CBLB: variants seen among roughly 807,000 people sequenced by gnomAD.
CBLB encodes E3 ubiquitin-protein ligase CBL-B.
In CBLB, 31 loss-of-function variants were observed where a neutral mutation model predicts 104.9. The ratio of observed to expected loss-of-function variants is 0.30; its 90% CI spans 0.22 to 0.40. CBLB has a LOEUF of 0.40. CBLB is among the 10% of genes least tolerant of loss of function. CBLB has a pLI of 1.00. For missense variants in CBLB, 1,062 were observed against 1,214.6 expected, an observed-to-expected ratio of 0.87 and a Z score of 1.87; for synonymous variants, 440 against 422.6, an observed-to-expected ratio of 1.04 and a Z score of -0.51.
At chr3:105,854,593 A>AT (rs200499603) in intron 2 of CBLB, among the ~76,000 whole-genome samples, 4,599 of 145,354 alleles carry the variant, frequency 0.032, 157 homozygotes, top group African/African-American at 0.069. Context: ...CCCTCGTTGT[A>AT]TTTTTTTTTT....
intron 3 of CBLB, among the ~76,000 whole-genome samples, chr3:105,793,830 C>T (rs1394210793): frequency 6.6e-6 from 1 of 151,922 alleles, no homozygotes; most frequent in Non-Finnish European, 1.5e-5. Context: ...ACTCAATATA[C>T]ACTACAAACT....
At chr3:105,725,670 C>T (rs530626515) in intron 9 of CBLB, among the ~76,000 whole-genome samples, 1 of 152,276 alleles carries the variant, frequency 6.6e-6, no homozygotes, top group East Asian at 1.9e-4. Context: ...CATTTAATCA[C>T]TCATTTACAC....
At chr3:105,836,905 A>G (rs1314801410) in intron 3 of CBLB, among the ~76,000 whole-genome samples, 1 of 152,004 alleles carries the variant, frequency 6.6e-6, no homozygotes, top group East Asian at 1.9e-4. Flanking sequence ...CCCTGCCTAC[A>G]TATTCAAAAT....
intron 10 of CBLB, among the ~76,000 whole-genome samples, chr3:105,707,533 TA>T (rs1445163276): frequency 2.6e-5 from 4 of 152,198 alleles, no homozygotes; most frequent in African/African-American, 9.6e-5. Context: ...AACCTTTTAC[TA>T]TTTTTAAAAA....
chr3:105,822,816 G>A (rs774221573), intron 3 of CBLB, among the ~76,000 whole-genome samples: 3 of 152,120 alleles, frequency 2.0e-5, no homozygotes, highest in Non-Finnish European at 4.4e-5. Context: ...ATGGCCTTCA[G>A]GTACATCAGC....
chr3:105,844,912 G>C (rs2090035739), intron 3 of CBLB, among the ~76,000 whole-genome samples: 1 of 152,094 alleles, frequency 6.6e-6, no homozygotes, highest in Non-Finnish European at 1.5e-5. Context: ...ACTGCCAAAG[G>C]AGCTTTCTTT....
At chr3:105,786,920 A>G (rs1185824898) in intron 3 of CBLB, among the ~76,000 whole-genome samples, 2 of 152,230 alleles carry the variant, frequency 1.3e-5, no homozygotes, top group African/African-American at 2.4e-5. Context: ...ACTCCATTTT[A>G]CTTCCATTTA....
intron 7 of CBLB, among the ~76,000 whole-genome samples, chr3:105,739,799 A>C (rs911054074): frequency 7.9e-5 from 12 of 152,154 alleles, no homozygotes; most frequent in African/African-American, 2.9e-4. Flanking sequence ...TGGCACTAAC[A>C]ATCAAAATAA....
At chr3:105,745,881 G>T in intron 6 of CBLB, 36 bp downstream of exon 6, 1 of 1,586,082 alleles carries the variant, frequency 6.3e-7, no homozygotes, top group Non-Finnish European at 8.7e-7. Flanking sequence ...TTCATCTTTG[G>T]ATATATCACA....
chr3:105,739,815 G>A (rs1409914937), intron 7 of CBLB, among the ~76,000 whole-genome samples: 1 of 152,114 alleles, frequency 6.6e-6, no homozygotes, highest in Non-Finnish European at 1.5e-5. Flanking sequence ...AATAAAAAAA[G>A]TGAAACTGGC....
chr3:105,658,053 A>G lies in CBLB; in HGVS notation c.*917T>C, dbSNP rs1229417001. On this transcript the variant is annotated 3_prime_UTR_variant, in exon 19 of 19. Coordinates refer to ENST00000394030, the MANE Select transcript of CBLB (RefSeq NM_170662.5). ...CAGGGAGATGGTCCTCTCATTCAGC[A>G]TCCCTCAAAGTAATGCAGGCATAAG... The G allele has an allele frequency of 9.3e-6, 2 of 214,914 alleles. No individual in the cohort carries two copies. The highest frequency in any genetic ancestry group is 1.4e-4 in the East Asian group (2 of 14,484). 13.3% of individuals were successfully genotyped at this position (214,914 alleles called of 1,614,324 possible).
rs199910538 is a variant in CBLB, at chr3:105,681,471, G to A, written c.2428+8C>T. 56 of 1,613,734 alleles carry A rather than the reference G, an allele frequency of 3.5e-5. No homozygotes were observed. Among genetic ancestry groups the A allele is most frequent in the Non-Finnish European group, 4.5e-5 (53 of 1,179,774 alleles). The stretch of plus-strand genomic sequence containing the variant: ...TGGGTTGTTCAAAACTTTTTTAAAG[G>A]TTTCAACCTAATGGAGGGATGAGAA... On this transcript the variant is annotated splice_region_variant and intron_variant, in intron 16 of 18. Transcript: ENST00000394030.
At chr3:105,729,998 A>G (rs1305263951) in intron 9 of CBLB, among the ~76,000 whole-genome samples, 2 of 152,148 alleles carry the variant, frequency 1.3e-5, no homozygotes, top group African/African-American at 4.8e-5. Context: ...AGAAATGTTC[A>G]AAAGTTGAAA....
intron 10 of CBLB, among the ~76,000 whole-genome samples, chr3:105,715,094 G>A (rs561794194): frequency 6.6e-6 from 1 of 152,282 alleles, no homozygotes; most frequent in South Asian, 2.1e-4. Flanking sequence ...AAACTGTTAA[G>A]ATTCCTCTTA....
rs1481691621 is a variant in CBLB, at chr3:105,659,209, T to C, written c.2710A>G (p.Arg904Gly). 6.2e-7 allele frequency: 1 copy of C among 1,614,034 alleles called. No homozygotes were observed. Reference protein sequence around the residue: ...SCSDGSQAPARPPKPRPRRTA... With the variant: ...SCSDGSQAPAGPPKPRPRRTA... ...CTGCGCGGTCGTGGTTTAGGGGGTC[T>C]GGCTGGTGCCTGTGAACCATCTGTG... Residue 904 changes from arginine (R) to glycine (G), a missense_variant, in exon 19 of 19, where the codon AGA becomes GGA. Physicochemically the swap from Arg to Gly is moderately radical, Grantham distance 125 (BLOSUM62 -2). Around this residue, in one of 2 missense-constraint regions of CBLB, gnomAD observed 605 missense variants for 582.6 expected, o/e 1.04. Coordinates refer to ENST00000394030, the MANE Select transcript of CBLB (RefSeq NM_170662.5).
intron 4 of CBLB, among the ~76,000 whole-genome samples, chr3:105,757,245 A>G (rs2077165207): frequency 1.3e-5 from 2 of 152,206 alleles, no homozygotes; most frequent in African/African-American, 4.8e-5. Flanking sequence ...TAATCAAATG[A>G]ATAGGTTAAT....
chr3:105,706,846 G>A (rs1671111290), intron 10 of CBLB, among the ~76,000 whole-genome samples: 1 of 152,054 alleles, frequency 6.6e-6, no homozygotes, highest in Admixed American at 6.6e-5. Context: ...ACTTTTCAGG[G>A]CTAGATGTAC....
At position 105,656,767 on chromosome 3, in the gene CBLB, A is replaced by T. The variant is rs1346097655; in HGVS notation, c.*2203T>A. 1 of 199,446 alleles carries T rather than the reference A, an allele frequency of 5.0e-6. No individual in the cohort carries two copies. The highest frequency in any genetic ancestry group is 1.0e-5 in the Non-Finnish European group (1 of 96,830). The allele number at this position is 199,446 out of a possible 1,614,324, so 12.4% of individuals were successfully genotyped here. On this transcript the variant is annotated 3_prime_UTR_variant, in exon 19 of 19. Transcript: ENST00000394030. ...CTTATTTTACATCATTCTCTAATAT[A>T]TTAGGAATGTTGCAACAATGTTATC...
At chr3:105,821,088 A>G (rs1294056918) in intron 3 of CBLB, among the ~76,000 whole-genome samples, 1 of 152,216 alleles carries the variant, frequency 6.6e-6, no homozygotes, top group African/African-American at 2.4e-5. Flanking sequence ...ATAAGAAATA[A>G]ACATCATATT....
Sources: gnomAD v4.1 joint callset for allele counts (sites outside exome capture counted in the v4.1 genomes callset) on GRCh38, gnomAD v4.1.1 for gene constraint, gnomAD v4.1.1 regional missense constraint, MANE v1.5 for transcripts, NCBI Gene and HGNC (gene_info 2026-07-23, HGNC 2026-07-21) for gene names.